The following USH2A variants were observed in gnomAD, a reference collection of about 807,000 sequenced individuals.
USH2A encodes the protein Usher syndrome 2A (autosomal recessive, mild).
A neutral mutation model predicts 538.9 loss-of-function variants in USH2A; 443 were observed. The observed-to-expected ratio is 0.82, with a 90% CI of 0.76 to 0.89. The LOEUF (loss-of-function observed/expected upper bound fraction) is 0.89. Ranked by LOEUF, USH2A falls within the 40% of genes least tolerant of loss-of-function variation. The pLI is 0.00. For synonymous variants in USH2A, 2,413 were observed against 2,273.5 expected (o/e 1.06, Z -1.75); for missense variants, 6,633 against 6,324.8 (o/e 1.05, Z -1.65).
At chr1:216,237,731 C>G (rs1273528983) in intron 13 of USH2A, among the ~76,000 whole-genome samples, 1 of 152,164 alleles carries the variant, frequency 6.6e-6, no homozygotes, top group Non-Finnish European at 1.5e-5. Flanking sequence ...AGCGGACTCT[C>G]AGTAAACATT....
At chr1:215,801,642 G>C (rs80216706) in intron 49 of USH2A, among the ~76,000 whole-genome samples, 2,602 of 152,154 alleles carry the variant, frequency 0.017, 78 homozygotes, top group African/African-American at 0.06. Flanking sequence ...ATAACCAAAT[G>C]GAAGAACATC....
Position 216,097,292 on chromosome 1 carries a change from T to G in USH2A, c.4628-79A>C, listed in dbSNP as rs1571958316. 1.9e-6 allele frequency: 3 copies of G among 1,609,082 alleles called. No individual in the cohort carries two copies. In the East Asian group the frequency reaches 6.7e-5, roughly 36 times the overall value. On this transcript the variant is annotated intron_variant, in intron 21 of 71. Transcript: ENST00000307340. ...CTGATAAATGTACATTTACTTTCAT[T>G]ATTATTTATGATGTAGTGAGTACAG...
At chr1:215,975,244 G>A (rs1439630765) in intron 35 of USH2A, among the ~76,000 whole-genome samples, 5 of 152,072 alleles carry the variant, frequency 3.3e-5, no homozygotes, top group African/African-American at 1.2e-4. Flanking sequence ...TCAAATGGAT[G>A]GTTTGTGAAT....
At chr1:216,068,565 T>C (rs1161883330) in intron 30 of USH2A, among the ~76,000 whole-genome samples, 1 of 152,116 alleles carries the variant, frequency 6.6e-6, no homozygotes, top group African/African-American at 2.4e-5. Context: ...CCTTGGGCCA[T>C]ACTCTACTGC....
chr1:215,870,847 T>G (rs775627393), intron 43 of USH2A, among the ~76,000 whole-genome samples: 2 of 152,126 alleles, frequency 1.3e-5, no homozygotes, highest in Non-Finnish European at 2.9e-5. Flanking sequence ...GGACATTCCA[T>G]TTAATAAATG....
intron 37 of USH2A, among the ~76,000 whole-genome samples, chr1:215,940,949 C>T (rs537414027): frequency 1.8e-4 from 27 of 151,530 alleles, no homozygotes; most frequent in African/African-American, 5.9e-4. Context: ...CTATAGATAT[C>T]GAGAATCTTT....
At chr1:215,911,910 T>C (rs1025019146) in intron 38 of USH2A, among the ~76,000 whole-genome samples, 1 of 152,074 alleles carries the variant, frequency 6.6e-6, no homozygotes, top group Non-Finnish European at 1.5e-5. Flanking sequence ...CCATTTTAAC[T>C]GGGGTGAGAT....
At chr1:216,000,666 GC>G in intron 32 of USH2A, 104 bp from the exon 33 acceptor site, 1 of 1,396,700 alleles carries the variant, frequency 7.2e-7, no homozygotes, top group Non-Finnish European at 1.0e-6. Context: ...TTAAGATAAG[GC>G]TTAAAATATG....
intron 50 of USH2A, among the ~76,000 whole-genome samples, chr1:215,791,055 C>T (rs994754692): frequency 2.1e-4 from 32 of 152,250 alleles, no homozygotes; most frequent in South Asian, 8.3e-4. Context: ...ACCAAATAGA[C>T]ATTTTCTCCC....
At chr1:216,297,374 C>G (rs1488762470) in intron 9 of USH2A, among the ~76,000 whole-genome samples, 1 of 152,084 alleles carries the variant, frequency 6.6e-6, no homozygotes, top group Non-Finnish European at 1.5e-5. Flanking sequence ...GTCCTCTTTA[C>G]TTCTATGAAT....
intron 32 of USH2A, among the ~76,000 whole-genome samples, chr1:216,039,110 T>C (rs550383976): frequency 6.6e-6 from 1 of 152,170 alleles, no homozygotes; most frequent in East Asian, 1.9e-4. Context: ...TAACCACAAC[T>C]GATATTCAAA....
intron 71 of USH2A, among the ~76,000 whole-genome samples, chr1:215,627,586 G>A (rs1656102734): frequency 6.6e-6 from 1 of 150,676 alleles, no homozygotes; most frequent in East Asian, 2.0e-4. Context: ...AGTGCAGTGG[G>A]GCCATCTCAG....
intron 37 of USH2A, among the ~76,000 whole-genome samples, chr1:215,953,871 A>G (rs1178701843): frequency 6.6e-6 from 1 of 152,068 alleles, no homozygotes; most frequent in Non-Finnish European, 1.5e-5. Context: ...TTACAAGAAA[A>G]AAACAAACAA....
chr1:215,753,520 A>C (rs1321935901), intron 58 of USH2A, among the ~76,000 whole-genome samples: 1 of 152,204 alleles, frequency 6.6e-6, no homozygotes, highest in African/African-American at 2.4e-5. Flanking sequence ...GGGGACACAG[A>C]TGAAGGTGGA....
At chr1:215,927,622 G>A (rs1666266912) in intron 38 of USH2A, among the ~76,000 whole-genome samples, 1 of 152,070 alleles carries the variant, frequency 6.6e-6, no homozygotes, top group South Asian at 2.1e-4. Flanking sequence ...ACTACTAGAA[G>A]GGGAACAGTG....
At chr1:215,896,827 C>T (rs1665354862) in intron 40 of USH2A, among the ~76,000 whole-genome samples, 1 of 152,170 alleles carries the variant, frequency 6.6e-6, no homozygotes, top group Non-Finnish European at 1.5e-5. Context: ...GGTGCTTGGA[C>T]TGCCAGCAGC....
chr1:216,358,419 G>A (rs2038427247), intron 4 of USH2A, among the ~76,000 whole-genome samples: 1 of 152,032 alleles, frequency 6.6e-6, no homozygotes, highest in Admixed American at 6.6e-5. Context: ...TACCTCTTTT[G>A]AAAGAAACCA....
chr1:215,866,217 G>A (rs1664463501), intron 44 of USH2A, among the ~76,000 whole-genome samples: 1 of 152,042 alleles, frequency 6.6e-6, no homozygotes, highest in Non-Finnish European at 1.5e-5. Context: ...GTAGATTCAG[G>A]GTTTTTTTCC....
chr1:215,780,103 G>T, intron 54 of USH2A, 62 bp from the exon 55 acceptor site: 1 of 1,565,678 alleles, frequency 6.4e-7, no homozygotes, highest in South Asian at 1.1e-5. Flanking sequence ...CCTGATCAAT[G>T]AGAATGTCAC....
Sources: gnomAD v4.1 joint callset for allele counts (sites outside exome capture counted in the v4.1 genomes callset) on GRCh38, gnomAD v4.1.1 for gene constraint, MANE v1.5 for transcripts, NCBI Gene and HGNC (gene_info 2026-07-23, HGNC 2026-07-21) for gene names.